The following DPYSL3 variants were observed in gnomAD, a reference collection of about 807,000 sequenced individuals.
DPYSL3 encodes the protein dihydropyrimidinase-related protein 3.
Under a neutral mutation model 66.1 loss-of-function variants are expected in DPYSL3, and 16 were observed. That is an observed-to-expected ratio of 0.24 (90% CI 0.16 to 0.37). The LOEUF (loss-of-function observed/expected upper bound fraction) is 0.37. DPYSL3 is among the 10% of genes least tolerant of loss of function. The pLI, the probability that DPYSL3 is intolerant of heterozygous loss-of-function variation, is 1.00. For synonymous variants in DPYSL3, 338 were observed against 345.1 expected, an observed-to-expected ratio of 0.98 and a Z score of 0.23; for missense variants, 738 against 916.2, an observed-to-expected ratio of 0.81 and a Z score of 2.51.
intron 1 of DPYSL3, among the ~76,000 whole-genome samples, chr5:147,508,148 C>G (rs1462252902): frequency 6.6e-6 from 1 of 152,168 alleles, no homozygotes; most frequent in African/African-American, 2.4e-5. Flanking sequence ...ATGTGAAAAT[C>G]ACAAACTAAA....
intron 6 of DPYSL3, among the ~76,000 whole-genome samples, chr5:147,411,777 A>G (rs1328854029): frequency 1.3e-5 from 2 of 152,220 alleles, no homozygotes; most frequent in Non-Finnish European, 2.9e-5. Flanking sequence ...GCACAGCCCA[A>G]GTATTAGTGA....
intron 1 of DPYSL3, among the ~76,000 whole-genome samples, chr5:147,427,086 A>C (rs1157390253): frequency 1.3e-5 from 2 of 152,224 alleles, no homozygotes; most frequent in African/African-American, 4.8e-5. Flanking sequence ...CTCTCTGTCC[A>C]CTAGGCATTT....
At chr5:147,455,805 A>G (rs1258146482) in intron 1 of DPYSL3, among the ~76,000 whole-genome samples, 1 of 151,770 alleles carries the variant, frequency 6.6e-6, no homozygotes, top group Non-Finnish European at 1.5e-5. Flanking sequence ...TAATTTTACA[A>G]GTTTCTTTGC....
chr5:147,507,371 CA>C lies in DPYSL3; in HGVS notation c.381+2106del, dbSNP rs1753697281. On this transcript the variant is annotated intron_variant, in intron 1 of 13. Transcript: ENST00000343218. Reference sequence around the variant, plus strand: ...TTTTTTTTTTTTAAGTAAAGTTGTCCAAAAAGTTGCTTCATGAGGTAGTGAG... The same window carrying C: ...TTTTTTTTTTTTAAGTAAAGTTGTCCAAAAGTTGCTTCATGAGGTAGTGAG... Among the ~76,000 whole-genome samples the C allele has an allele frequency of 1.3e-5, 2 of 149,438 alleles. 1 individual carries two copies. Among genetic ancestry groups the C allele is most frequent in the South Asian group, 4.2e-4 (2 of 4,728 alleles).
At chr5:147,463,524 T>C (rs1414674114) in intron 1 of DPYSL3, among the ~76,000 whole-genome samples, 1 of 152,110 alleles carries the variant, frequency 6.6e-6, no homozygotes, top group African/African-American at 2.4e-5. Flanking sequence ...AGAGTCAAGA[T>C]ACATGTATTG....
intron 3 of DPYSL3, among the ~76,000 whole-genome samples, chr5:147,416,533 G>A (rs1313541379): frequency 6.6e-6 from 1 of 152,078 alleles, no homozygotes; most frequent in African/African-American, 2.4e-5. Context: ...TTAAACAATG[G>A]CATCTACAGT....
chr5:147,442,244 G>A (rs1752546319), intron 1 of DPYSL3, among the ~76,000 whole-genome samples: 1 of 152,224 alleles, frequency 6.6e-6, no homozygotes, highest in Admixed American at 6.5e-5. Context: ...TAAGGAGTGG[G>A]GAAGAACTGG....
rs371462747 is a variant in DPYSL3, at chr5:147,446,143, T to G, written c.382-21180A>C. ...TCCTCTCTGTGAATTTGGAACAAAG[T>G]GAGGAGGGGCTGGCTCACAGGGTCA... On this transcript the variant is annotated intron_variant, in intron 1 of 13. Transcript: ENST00000343218. 4.6e-5 allele frequency among the ~76,000 whole-genome samples: 7 copies of G among 152,160 alleles called. No homozygotes were observed. The East Asian group carries it at 9.7e-4, about 21-fold the overall frequency.
At chr5:147,475,110 G>T (rs1755431315) in intron 1 of DPYSL3, among the ~76,000 whole-genome samples, 1 of 152,010 alleles carries the variant, frequency 6.6e-6, no homozygotes, top group Non-Finnish European at 1.5e-5. Context: ...ATTTATTCCA[G>T]AGAAATGAAA....
intron 7 of DPYSL3, 113 bp from the exon 8 acceptor site, chr5:147,405,843 G>A: frequency 1.4e-6 from 2 of 1,408,810 alleles, no homozygotes; most frequent in Non-Finnish European, 1.9e-6. Context: ...GGATAATTTT[G>A]GCAGGATCTG....
intron 1 of DPYSL3, among the ~76,000 whole-genome samples, chr5:147,439,497 C>CA (rs1752491189): frequency 6.6e-6 from 1 of 152,072 alleles, no homozygotes; most frequent in Admixed American, 6.5e-5. Flanking sequence ...GAGAAGTAGG[C>CA]AGGGCCACTC....
rs1468789441 is a variant in DPYSL3 at position 147,400,789 on chromosome 5, G to A, written c.1355C>T (p.Thr452Ile). The change falls in exon 10 of 14, where the codon ACT becomes ATT. Residue 452 changes from threonine (T) to isoleucine (I), a missense_variant. Coordinates refer to ENST00000343218, the MANE Select transcript of DPYSL3 (RefSeq NM_001197294.2). ...GTCCTTCCCAATTGCTTTCTGGGCA[G>A]TGCTGAAGGTGCAGTGGGCACTCCC... is the stretch of plus-strand genomic sequence containing the variant. Reference protein sequence around the residue: ...LSGSAHCTFSTAQKAIGKDNF... With the variant: ...LSGSAHCTFSIAQKAIGKDNF... 6.2e-7 allele frequency: 1 copy of A among 1,614,206 alleles called. No individual in the cohort carries two copies. Among genetic ancestry groups the A allele is most frequent in the Non-Finnish European group, 8.5e-7 (1 of 1,180,016 alleles).
chr5:147,407,242 AC>A (rs1758347379), intron 7 of DPYSL3, among the ~76,000 whole-genome samples: 2 of 152,138 alleles, frequency 1.3e-5, no homozygotes, highest in Non-Finnish European at 2.9e-5. Flanking sequence ...CACTTTGACA[AC>A]ATGACTATCT....
At position 147,399,253 on chromosome 5, in the gene DPYSL3, C is replaced by T. The variant is rs1758096183; in HGVS notation, c.1453-1G>A. ...GGTTTTCGTCCATTTTCCCTGTGGC[C>T]TATTGAAATATAAGAAATTATATCT... is the stretch of plus-strand genomic sequence containing the variant. On this transcript the variant is annotated splice_acceptor_variant, in intron 10 of 13. Transcript: ENST00000343218. LOFTEE classifies it high-confidence loss of function. 1 of 1,613,538 alleles carries T rather than the reference C, an allele frequency of 6.2e-7. No individual in the cohort carries two copies. The highest frequency in any genetic ancestry group is 8.5e-7 in the Non-Finnish European group (1 of 1,179,854).
At chr5:147,485,382 G>A (rs1198269758) in intron 1 of DPYSL3, among the ~76,000 whole-genome samples, 1 of 152,116 alleles carries the variant, frequency 6.6e-6, no homozygotes, top group Admixed American at 6.6e-5. Context: ...AAAGGGCCAA[G>A]CGACTAAATA....
intron 1 of DPYSL3, among the ~76,000 whole-genome samples, chr5:147,473,863 A>T (rs935715119): frequency 3.3e-5 from 5 of 152,090 alleles, no homozygotes; most frequent in Non-Finnish European, 5.9e-5. Context: ...TAAATGTGAC[A>T]CCCTTAGAAA....
intron 1 of DPYSL3, among the ~76,000 whole-genome samples, chr5:147,504,943 T>A (rs1337539167): frequency 6.6e-6 from 1 of 152,210 alleles, no homozygotes; most frequent in Admixed American, 6.5e-5. Flanking sequence ...TAGTAACTAT[T>A]TTACTGCTAG....
At chr5:147,424,294 T>G (rs1170225166) in intron 2 of DPYSL3, among the ~76,000 whole-genome samples, 1 of 152,190 alleles carries the variant, frequency 6.6e-6, no homozygotes, top group Non-Finnish European at 1.5e-5. Context: ...TTTTTTGTGA[T>G]GAAACACTAT....
At chr5:147,499,179 A>T (rs1753566107) in intron 1 of DPYSL3, among the ~76,000 whole-genome samples, 1 of 152,212 alleles carries the variant, frequency 6.6e-6, no homozygotes, top group African/African-American at 2.4e-5. Context: ...TAAAAGTTAT[A>T]CAGATGTGGA....
Sources: allele counts gnomAD v4.1 joint callset (sites outside exome capture counted in the v4.1 genomes callset), GRCh38; gene constraint gnomAD v4.1.1; transcripts MANE v1.5; gene names NCBI Gene and HGNC (gene_info 2026-07-23, HGNC 2026-07-21).